SLC25A13: variants seen among roughly 807,000 people sequenced by gnomAD.
SLC25A13 encodes the protein solute carrier family 25 member 13.
A neutral mutation model predicts 85.5 loss-of-function variants in SLC25A13; 70 were observed. That is an observed-to-expected ratio of 0.82 (90% CI 0.68 to 1.00). The LOEUF is 1.00. Ranked by LOEUF, SLC25A13 falls within the 50% of genes least tolerant of loss-of-function variation. The pLI is 0.00. For synonymous variants in SLC25A13, 259 were observed against 288.7 expected (o/e 0.90, Z 1.04); for missense variants, 765 against 819.8 (o/e 0.93, Z 0.82).
At chr7:96,321,783 G>A (rs1455285241) in intron 1 of SLC25A13, among the ~76,000 whole-genome samples, 159 bp downstream of exon 1, 2 of 152,226 alleles carry the variant, frequency 1.3e-5, no homozygotes, top group African/African-American at 4.8e-5. Context: ...CCCGGGAGGA[G>A]TGGCCCCCTC....
intron 13 of SLC25A13, chr7:96,166,856 G>A (rs1793770886): frequency 6.6e-6 from 1 of 151,972 alleles, no homozygotes; most frequent in Non-Finnish European, 1.5e-5. Flanking sequence ...CTCTAAAGGT[G>A]CCAAGTTTTT....
intron 3 of SLC25A13, among the ~76,000 whole-genome samples, chr7:96,265,971 T>C (rs1584535058): frequency 2.0e-5 from 3 of 152,172 alleles, no homozygotes; most frequent in Non-Finnish European, 4.4e-5. Flanking sequence ...ATCCTATCTG[T>C]GAGAGCAGAG....
At chr7:96,258,470 A>G (rs1487172271) in intron 3 of SLC25A13, among the ~76,000 whole-genome samples, 1 of 152,306 alleles carries the variant, frequency 6.6e-6, no homozygotes, top group Admixed American at 6.5e-5. Flanking sequence ...CACAATTGCT[A>G]CAAAAAGAAT....
Position 96,214,832 on chromosome 7 carries a change from T to G in SLC25A13, c.329-5855A>C, listed in dbSNP as rs1441329891. ...TTTAACAAAATAAGTGCAAAACTGA[T>G]TCTCTAAACACTACAAAACAGCATT... is the stretch of plus-strand genomic sequence containing the variant. On this transcript the variant is annotated intron_variant, in intron 4 of 17. Transcript: ENST00000265631. Among the ~76,000 whole-genome samples the G allele has an allele frequency of 1.3e-5, 2 of 152,098 alleles. 1 individual carries two copies.
chr7:96,161,899 A>T (rs575041288), intron 13 of SLC25A13, among the ~76,000 whole-genome samples: 1 of 152,244 alleles, frequency 6.6e-6, no homozygotes, highest in Non-Finnish European at 1.5e-5. Flanking sequence ...CTAGATTTTC[A>T]CTGAACTACA....
At chr7:96,312,609 C>T (rs975993158) in intron 1 of SLC25A13, among the ~76,000 whole-genome samples, 1 of 127,678 alleles carries the variant, frequency 7.8e-6, no homozygotes, top group Non-Finnish European at 1.7e-5. Context: ...TTTTTGGAAT[C>T]CCAGCACAGT....
intron 9 of SLC25A13, among the ~76,000 whole-genome samples, chr7:96,185,872 C>A (rs1794623368): frequency 6.6e-6 from 1 of 152,110 alleles, no homozygotes; most frequent in East Asian, 1.9e-4. Flanking sequence ...TGCACTCCAG[C>A]CTGGGCAACA....
At chr7:96,170,011 C>A in intron 13 of SLC25A13, 34 bp downstream of exon 13, 1 of 1,601,922 alleles carries the variant, frequency 6.2e-7, no homozygotes, top group Non-Finnish European at 8.6e-7. Context: ...TGAAACAAGT[C>A]TTTTCAATGA....
intron 3 of SLC25A13, among the ~76,000 whole-genome samples, chr7:96,268,022 C>G (rs1798101633): frequency 6.6e-6 from 1 of 152,048 alleles, no homozygotes; most frequent in South Asian, 2.1e-4. Flanking sequence ...GTGGTAAATT[C>G]CTTTGTGACC....
chr7:96,184,478 G>T (rs890808028), intron 10 of SLC25A13, 43 bp from the exon 11 acceptor site: 8 of 1,585,302 alleles, frequency 5.0e-6, no homozygotes, highest in South Asian at 1.1e-5. Flanking sequence ...AAGTAAGATA[G>T]GTCAGAAGAA....
At chr7:96,153,205 T>C (rs1323191190) in intron 13 of SLC25A13, among the ~76,000 whole-genome samples, 1 of 152,208 alleles carries the variant, frequency 6.6e-6, no homozygotes, top group African/African-American at 2.4e-5. Flanking sequence ...AAATCATAGT[T>C]GTCCTTACTA....
At chr7:96,177,492 A>G (rs954889348) in intron 11 of SLC25A13, among the ~76,000 whole-genome samples, 18 of 152,224 alleles carry the variant, frequency 1.2e-4, no homozygotes, top group African/African-American at 4.3e-4. Flanking sequence ...CTGAGCTTCA[A>G]TTCTGACTTT....
chr7:96,168,421 G>T (rs1176425791), intron 13 of SLC25A13, among the ~76,000 whole-genome samples: 1 of 152,070 alleles, frequency 6.6e-6, no homozygotes, highest in Admixed American at 6.6e-5. Context: ...TTTAGATCAG[G>T]TTTGAAAAGG....
chr7:96,176,998 A>C (rs1179950745), intron 11 of SLC25A13, among the ~76,000 whole-genome samples: 4 of 152,124 alleles, frequency 2.6e-5, no homozygotes, highest in African/African-American at 9.7e-5. Context: ...GCTACTTACT[A>C]TCTATTGGTT....
At chr7:96,248,553 C>A (rs1797294376) in intron 3 of SLC25A13, among the ~76,000 whole-genome samples, 1 of 152,126 alleles carries the variant, frequency 6.6e-6, no homozygotes, top group Non-Finnish European at 1.5e-5. Flanking sequence ...AACAGCCACA[C>A]AAAATGGTGC....
chr7:96,309,868 C>T (rs762442816), intron 1 of SLC25A13, among the ~76,000 whole-genome samples: 1 of 152,094 alleles, frequency 6.6e-6, no homozygotes, highest in Non-Finnish European at 1.5e-5. Context: ...GATGACTGGC[C>T]ATATATGAAG....
At position 96,189,607 on chromosome 7, in the gene SLC25A13, C is replaced by T. The variant is rs1322261920; in HGVS notation, c.822G>A (p.Gln274=). Residue 274 remains glutamine (Q), a synonymous_variant, in exon 8 of 18, where the codon CAG becomes CAA. Transcript: ENST00000265631. ...CCCTTGGCTCATATAAATCTGCTAA[C>T]TGAAACAAGATGTCAACTTCCATGG... The part of the protein sequence containing the change: ...VTPMEVDILF[Q]LADLYEPRGR... 1.3e-6 allele frequency: 2 copies of T among 1,583,032 alleles called. No individual in the cohort carries two copies. The highest frequency in any genetic ancestry group is 2.8e-5 in the African/African-American group (2 of 72,718).
At chr7:96,278,443 A>G (rs1414259831) in intron 2 of SLC25A13, among the ~76,000 whole-genome samples, 1 of 152,172 alleles carries the variant, frequency 6.6e-6, no homozygotes, top group Non-Finnish European at 1.5e-5. Flanking sequence ...TCCAATGCAG[A>G]CTAAGGCTTT....
At chr7:96,208,179 G>A (rs759129563) in intron 5 of SLC25A13, among the ~76,000 whole-genome samples, 3 of 152,126 alleles carry the variant, frequency 2.0e-5, no homozygotes, top group East Asian at 1.9e-4. Flanking sequence ...GTAACACAGC[G>A]AGTCACAAGC....
Sources: allele counts gnomAD v4.1 joint callset (sites outside exome capture counted in the v4.1 genomes callset), GRCh38; gene constraint gnomAD v4.1.1; transcripts MANE v1.5; gene names NCBI Gene and HGNC (gene_info 2026-07-23, HGNC 2026-07-21).